ATXN1: variants seen among roughly 807,000 people sequenced by gnomAD.
ATXN1 encodes ataxin 1.
Under a neutral mutation model 56.4 loss-of-function variants are expected in ATXN1, and 8 were observed. That is an observed-to-expected ratio of 0.14 (90% confidence interval 0.08 to 0.26). The LOEUF (loss-of-function observed/expected upper bound fraction) is 0.26, where lower values mean the gene tolerates loss of function less well. ATXN1 is among the 10% of genes least tolerant of loss of function. The pLI, the probability that ATXN1 is intolerant of heterozygous loss-of-function variation, is 1.00. For missense variants in ATXN1, 987 were observed against 1,106.5 expected, an observed-to-expected ratio of 0.89 and a Z score of 1.53; for synonymous variants, 514 against 494.6, an observed-to-expected ratio of 1.04 and a Z score of -0.52.
In ATXN1 at chr6:16,538,185, G is replaced by A. The variant is rs545631430; in HGVS notation, c.-360-15497C>T. Among the ~76,000 whole-genome samples, 3 of 152,242 alleles carry A rather than the reference G, an allele frequency of 2.0e-5. No homozygotes were observed. In the South Asian group the frequency reaches 6.2e-4, roughly 32 times the overall value. On this transcript the variant is annotated intron_variant, in intron 4 of 7. Transcript: ENST00000436367. ...CCTTCACCACCCAGGACAGTGAGAG[G>A]CTATAAGTGTTAAGGGCACCGGGGC...
At chr6:16,359,425 A>T (rs1342896507) in intron 6 of ATXN1, among the ~76,000 whole-genome samples, 3 of 151,992 alleles carry the variant, frequency 2.0e-5, no homozygotes, top group Non-Finnish European at 4.4e-5. Flanking sequence ...GCAGAGAGAG[A>T]ATGGGACTGG....
chr6:16,740,474 A>G (rs901035320), intron 2 of ATXN1, among the ~76,000 whole-genome samples: 1 of 152,200 alleles, frequency 6.6e-6, no homozygotes, highest in Non-Finnish European at 1.5e-5. Flanking sequence ...CCCATCCACA[A>G]GGACTTCTCA....
At chr6:16,755,434 C>A (rs1021229394) in intron 1 of ATXN1, among the ~76,000 whole-genome samples, 4 of 151,966 alleles carry the variant, frequency 2.6e-5, no homozygotes, top group Non-Finnish European at 5.9e-5. Flanking sequence ...TAAAACCCAG[C>A]AGAGCAACAT....
rs1760780110 is a variant in ATXN1 at position 16,753,235 on chromosome 6, G to A, written c.-617C>T. ...AGAGAGCATCGCAAAACTCTCACCTGACATGTGATGCACTTCCCTGTAGTG... is the reference window on the plus strand; with the variant it reads ...AGAGAGCATCGCAAAACTCTCACCTAACATGTGATGCACTTCCCTGTAGTG... On this transcript the variant is annotated splice_region_variant and 5_prime_UTR_variant, in exon 2 of 8. Coordinates refer to ENST00000436367, the MANE Select transcript of ATXN1 (RefSeq NM_001128164.2). The A allele has an allele frequency of 2.2e-6, 1 of 456,626 alleles. No individual in the cohort carries two copies. Among genetic ancestry groups the A allele is most frequent in the South Asian group, 1.5e-5 (1 of 64,566 alleles). The allele number at this position is 456,626 out of a possible 1,614,324, so 28.3% of individuals were successfully genotyped here.
chr6:16,515,573 A>T (rs1032009271), intron 5 of ATXN1, among the ~76,000 whole-genome samples: 1 of 152,168 alleles, frequency 6.6e-6, no homozygotes, highest in African/African-American at 2.4e-5. Context: ...TTGGTCTGAC[A>T]CATGTGGTGT....
At chr6:16,752,856 A>G (rs1249473548) in intron 2 of ATXN1, 1 of 177,528 alleles carries the variant, frequency 5.6e-6, no homozygotes, top group Non-Finnish European at 1.2e-5. Context: ...CTACGCACAT[A>G]TTATACTACA....
chr6:16,537,769 C>A (rs1240331995), intron 4 of ATXN1, among the ~76,000 whole-genome samples: 3 of 150,634 alleles, frequency 2.0e-5, no homozygotes, highest in African/African-American at 7.3e-5. Context: ...TGAAATACAA[C>A]CATGATACAG....
chr6:16,649,998 G>T (rs1763866386), intron 3 of ATXN1, among the ~76,000 whole-genome samples: 1 of 151,924 alleles, frequency 6.6e-6, no homozygotes, highest in African/African-American at 2.4e-5. Flanking sequence ...GCCCAGGCTG[G>T]AGTGGAATGG....
At chr6:16,527,833 T>G (rs1345652506) in intron 4 of ATXN1, among the ~76,000 whole-genome samples, 1 of 152,182 alleles carries the variant, frequency 6.6e-6, no homozygotes, top group Non-Finnish European at 1.5e-5. Context: ...TTAACAAATC[T>G]CTTTTCATAG....
At chr6:16,616,769 G>T (rs546286315) in intron 3 of ATXN1, among the ~76,000 whole-genome samples, 5 of 149,448 alleles carry the variant, frequency 3.3e-5, no homozygotes, top group East Asian at 1.9e-4. Context: ...TTCCTAAAAC[G>T]CAATGATAAT....
intron 6 of ATXN1, among the ~76,000 whole-genome samples, chr6:16,447,216 A>T (rs1488681267): frequency 2.6e-5 from 4 of 152,292 alleles, no homozygotes; most frequent in Admixed American, 6.5e-5. Context: ...TGTATTTTTT[A>T]AAAATTTTTA....
At chr6:16,755,430 C>T (rs1231309804) in intron 1 of ATXN1, among the ~76,000 whole-genome samples, 1 of 151,756 alleles carries the variant, frequency 6.6e-6, no homozygotes, top group Non-Finnish European at 1.5e-5. Flanking sequence ...TTTTTAAAAC[C>T]CAGCAGAGCA....
At chr6:16,539,842 A>G (rs984395998) in intron 4 of ATXN1, among the ~76,000 whole-genome samples, 2 of 152,328 alleles carry the variant, frequency 1.3e-5, no homozygotes, top group Middle Eastern at 3.4e-3. Context: ...GGCACCCTGC[A>G]TGCATCAGAA....
chr6:16,447,303 C>T (rs1759656110), intron 6 of ATXN1, among the ~76,000 whole-genome samples: 1 of 152,198 alleles, frequency 6.6e-6, no homozygotes. Context: ...CAGCATACTG[C>T]AACCTTGGCC....
At chr6:16,453,416 G>A (rs1001235885) in intron 6 of ATXN1, among the ~76,000 whole-genome samples, 17 of 152,132 alleles carry the variant, frequency 1.1e-4, no homozygotes, top group Non-Finnish European at 1.8e-4. Flanking sequence ...AGCCAAGATT[G>A]CGCCACTGCA....
intron 2 of ATXN1, among the ~76,000 whole-genome samples, chr6:16,712,482 GT>G (rs1759546550): frequency 6.6e-6 from 1 of 152,070 alleles, no homozygotes; most frequent in South Asian, 2.1e-4. Flanking sequence ...GAAGGGGAAG[GT>G]ATACACCAAA....
chr6:16,455,700 A>G (rs1328268795), intron 6 of ATXN1, among the ~76,000 whole-genome samples: 1 of 152,200 alleles, frequency 6.6e-6, no homozygotes, highest in Non-Finnish European at 1.5e-5. Context: ...ATTCAGCACT[A>G]AAAACAAATA....
intron 6 of ATXN1, among the ~76,000 whole-genome samples, chr6:16,451,565 G>A (rs1157610392): frequency 6.6e-6 from 1 of 152,074 alleles, no homozygotes; most frequent in South Asian, 2.1e-4. Flanking sequence ...AGACCAGCCC[G>A]ACCAACATGG....
chr6:16,449,675 A>G (rs764881663), intron 6 of ATXN1, among the ~76,000 whole-genome samples: 4 of 152,254 alleles, frequency 2.6e-5, no homozygotes, highest in Non-Finnish European at 5.9e-5. Flanking sequence ...CAGCTTTGAA[A>G]GAAGCCATTT....
Sources: allele counts gnomAD v4.1 joint callset (sites outside exome capture counted in the v4.1 genomes callset), GRCh38; gene constraint gnomAD v4.1.1; transcripts MANE v1.5; gene names NCBI Gene and HGNC (gene_info 2026-07-23, HGNC 2026-07-21).